Variants in BTBD9 observed in about 807,000 individuals in gnomAD.
BTBD9 encodes BTB/POZ domain-containing protein 9.
A neutral mutation model predicts 64.3 loss-of-function variants in BTBD9; 49 were observed. The observed-to-expected ratio is 0.76, with a 90% CI of 0.61 to 0.97. The LOEUF is 0.97. Among genes scored for constraint, BTBD9 ranks in the 50% least tolerant of loss-of-function variants. The pLI is 0.00. For missense variants in BTBD9, 598 were observed against 762.1 expected (o/e 0.78, Z 2.53); for synonymous variants, 260 against 274.7 (o/e 0.95, Z 0.53).
intron 6 of BTBD9, among the ~76,000 whole-genome samples, chr6:38,539,475 T>C (rs1375911370): frequency 6.6e-6 from 1 of 152,216 alleles, no homozygotes; most frequent in Non-Finnish European, 1.5e-5. Context: ...ATTATAAGTA[T>C]TATAACCAGA....
chr6:38,382,190 A>G (rs561613152), intron 6 of BTBD9, among the ~76,000 whole-genome samples: 57 of 152,240 alleles, frequency 3.7e-4, no homozygotes, highest in African/African-American at 1.1e-3. Flanking sequence ...CTCCCACAAC[A>G]CCTTAGATTT....
chr6:38,402,152 G>C (rs1367902630), intron 6 of BTBD9, among the ~76,000 whole-genome samples: 1 of 152,096 alleles, frequency 6.6e-6, no homozygotes, highest in Admixed American at 6.5e-5. Context: ...TGCAAGACTA[G>C]TACATTGAAA....
At position 38,601,363 on chromosome 6, in the gene BTBD9, T is replaced by C. The variant is rs138140216; in HGVS notation, c.-27-3242A>G. Among the ~76,000 whole-genome samples, 58 of 152,344 alleles carry C rather than the reference T, an allele frequency of 3.8e-4. 1 individual carries two copies. Among genetic ancestry groups the C allele is most frequent in the African/African-American group, 1.3e-3 (52 of 41,566 alleles). On this transcript the variant is annotated intron_variant, in intron 1 of 10. Transcript: ENST00000481247. The stretch of plus-strand genomic sequence containing the variant: ...CAGAAAATGAGTATTGTTTCACCAA[T>C]GGGATAGTTTACCTACAAAGTGATA...
At chr6:38,232,813 T>G (rs1433753779) in intron 9 of BTBD9, among the ~76,000 whole-genome samples, 1 of 152,146 alleles carries the variant, frequency 6.6e-6, no homozygotes, top group African/African-American at 2.4e-5. Flanking sequence ...CCTTTTTAAA[T>G]GAGTCTCTCT....
At chr6:38,483,500 C>G (rs1246615963) in intron 6 of BTBD9, among the ~76,000 whole-genome samples, 1 of 151,922 alleles carries the variant, frequency 6.6e-6, no homozygotes, top group African/African-American at 2.4e-5. Context: ...AGTTATCTTT[C>G]AAAAATCTCA....
intron 7 of BTBD9, among the ~76,000 whole-genome samples, chr6:38,314,336 C>CA (rs1344740227): frequency 1.3e-5 from 2 of 151,274 alleles, no homozygotes; most frequent in Non-Finnish European, 3.0e-5. Context: ...GCTGGGACTA[C>CA]AGGCGCCCGC....
intron 6 of BTBD9, among the ~76,000 whole-genome samples, chr6:38,561,632 A>G (rs1775267096): frequency 6.6e-6 from 1 of 152,192 alleles, no homozygotes; most frequent in Non-Finnish European, 1.5e-5. Flanking sequence ...GAATGAAATC[A>G]TGTCCCTTGC....
At chr6:38,298,498 C>A (rs1010407386) in intron 7 of BTBD9, among the ~76,000 whole-genome samples, 1 of 152,148 alleles carries the variant, frequency 6.6e-6, no homozygotes, top group African/African-American at 2.4e-5. Flanking sequence ...TTTCTATGTA[C>A]TGAAAACATC....
intron 6 of BTBD9, among the ~76,000 whole-genome samples, chr6:38,460,784 C>T (rs753016250): frequency 2.6e-5 from 4 of 152,088 alleles, no homozygotes; most frequent in African/African-American, 7.2e-5. Context: ...CCATCACGCC[C>T]GGCTAACTTT....
At chr6:38,358,211 C>T (rs1764808555) in intron 6 of BTBD9, among the ~76,000 whole-genome samples, 1 of 152,020 alleles carries the variant, frequency 6.6e-6, no homozygotes, top group Non-Finnish European at 1.5e-5. Context: ...TCACTATATT[C>T]CACATGCAGA....
At chr6:38,489,878 C>CTTT (rs1224165797) in intron 6 of BTBD9, among the ~76,000 whole-genome samples, 1 of 152,172 alleles carries the variant, frequency 6.6e-6, no homozygotes, top group African/African-American at 2.4e-5. Context: ...AGATTTTAAC[C>CTTT]TTTTCTTCTA....
At chr6:38,439,688 A>T (rs56042832) in intron 6 of BTBD9, among the ~76,000 whole-genome samples, 1,556 of 152,188 alleles carry the variant, frequency 0.01, 29 homozygotes, top group African/African-American at 0.036. Flanking sequence ...CAGCCTCCCA[A>T]AGTGCTGAGA....
At chr6:38,391,072 C>T (rs906087016) in intron 6 of BTBD9, among the ~76,000 whole-genome samples, 3 of 152,178 alleles carry the variant, frequency 2.0e-5, no homozygotes, top group Middle Eastern at 3.2e-3. Flanking sequence ...TTTTTAAAGA[C>T]TTCACGTCTT....
chr6:38,266,652 AAGAAAGAAAG>A (rs1765010528), intron 8 of BTBD9, among the ~76,000 whole-genome samples: 1 of 136,966 alleles, frequency 7.3e-6, no homozygotes, highest in African/African-American at 3.4e-5. Context: ...GAAAGAAAGA[AAGAAAGAAAG>A]AAAGAAAGAA....
intron 6 of BTBD9, among the ~76,000 whole-genome samples, chr6:38,384,499 G>T (rs900338568): frequency 6.6e-6 from 1 of 152,176 alleles, no homozygotes; most frequent in Non-Finnish European, 1.5e-5. Context: ...ACAAAAGCCT[G>T]CTTAGTTCAT....
chr6:38,350,456 T>A (rs992439148), intron 6 of BTBD9, among the ~76,000 whole-genome samples: 4 of 152,224 alleles, frequency 2.6e-5, no homozygotes, highest in Admixed American at 2.6e-4. Context: ...TTACAGTTAA[T>A]CCTTAACCTT....
chr6:38,429,836 A>G (rs1466065184), intron 6 of BTBD9, among the ~76,000 whole-genome samples: 1 of 151,974 alleles, frequency 6.6e-6, no homozygotes, highest in African/African-American at 2.4e-5. Context: ...GGGGAAAAAC[A>G]ATCACATATA....
intron 6 of BTBD9, among the ~76,000 whole-genome samples, chr6:38,554,484 T>C (rs1033763267): frequency 5.9e-5 from 9 of 152,238 alleles, no homozygotes; most frequent in Non-Finnish European, 8.8e-5. Context: ...GAGGCATGAA[T>C]GCAAACGTGG....
At chr6:38,374,286 T>TATATATATAC (rs1554143529) in intron 6 of BTBD9, among the ~76,000 whole-genome samples, 5 of 67,478 alleles carry the variant, frequency 7.4e-5, no homozygotes, top group Non-Finnish European at 1.2e-4. Context: ...AAAAAAAGTA[T>TATATATATAC]ATATATATAT....
Sources: gnomAD v4.1 joint callset for allele counts (sites outside exome capture counted in the v4.1 genomes callset) on GRCh38, gnomAD v4.1.1 for gene constraint, MANE v1.5 for transcripts, NCBI Gene and HGNC (gene_info 2026-07-23, HGNC 2026-07-21) for gene names.